Variants in ATP13A4 observed in about 807,000 individuals in gnomAD.
ATP13A4 encodes ATPase 13A4.
A neutral mutation model predicts 142.5 loss-of-function variants in ATP13A4; 114 were observed. The observed-to-expected ratio is 0.80, with a 90% CI of 0.69 to 0.93. The LOEUF is 0.93. Ranked by LOEUF, ATP13A4 falls within the 40% of genes least tolerant of loss-of-function variation. The pLI is 0.00. For synonymous variants in ATP13A4, 488 were observed against 514.8 expected, an observed-to-expected ratio of 0.95 and a Z score of 0.70; for missense variants, 1,392 against 1,454.0, an observed-to-expected ratio of 0.96 and a Z score of 0.69.
Position 193,399,269 on chromosome 3 carries a change from C to T in ATP13A4, c.*3383G>A, listed in dbSNP as rs976279953. On this transcript the variant is annotated 3_prime_UTR_variant, in exon 30 of 30. Transcript: ENST00000342695. Reference sequence around the variant, plus strand: ...GAAAGTGTATTGATAACAGGTTGCTCCGCCCTCAAGTTTAGGGCACTCTCC... The same window carrying T: ...GAAAGTGTATTGATAACAGGTTGCTTCGCCCTCAAGTTTAGGGCACTCTCC... Among the ~76,000 whole-genome samples the T allele has an allele frequency of 1.3e-5, 2 of 152,106 alleles. No individual in the cohort carries two copies. Among genetic ancestry groups the T allele is most frequent in the Non-Finnish European group, 1.5e-5 (1 of 68,022 alleles).
At chr3:193,424,925 G>A (rs966785037) in intron 25 of ATP13A4, among the ~76,000 whole-genome samples, 3 of 148,384 alleles carry the variant, frequency 2.0e-5, no homozygotes, top group Non-Finnish European at 4.5e-5. Context: ...AAACTATGCA[G>A]TATAATAAAA....
intron 2 of ATP13A4, among the ~76,000 whole-genome samples, chr3:193,569,261 C>A (rs1355324408): frequency 6.6e-6 from 1 of 152,166 alleles, no homozygotes; most frequent in Non-Finnish European, 1.5e-5. Context: ...TTCGACAAAT[C>A]CCAATAAAGG....
intron 8 of ATP13A4, among the ~76,000 whole-genome samples, chr3:193,483,547 C>T (rs537484809): frequency 3.9e-5 from 6 of 152,270 alleles, no homozygotes; most frequent in Admixed American, 6.5e-5. Flanking sequence ...TCACTGCAAG[C>T]TCCGCCTCCC....
chr3:193,492,932 T>C lies in ATP13A4; in HGVS notation c.518A>G (p.Glu173Gly). The C allele has an allele frequency of 6.2e-7, 1 of 1,608,574 alleles. No individual in the cohort carries two copies. Among genetic ancestry groups the C allele is most frequent in the Non-Finnish European group, 8.5e-7 (1 of 1,175,796 alleles). ...HQKFGSGLTR[E>G]EQEIRRLICG... ...TGCATGGTACCTAATCTCCTGTTCT[T>C]CTCTTGTCAAGCCTGATCCAAATTT... The change falls in exon 5 of 30, where the codon GAA (glutamate) becomes GGA (glycine). Residue 173 changes from glutamate (E) to glycine (G), a missense_variant. By Grantham distance (98) the Glu-to-Gly change is moderately conservative. Coordinates refer to ENST00000342695, the MANE Select transcript of ATP13A4 (RefSeq NM_032279.4).
intron 25 of ATP13A4, among the ~76,000 whole-genome samples, chr3:193,432,075 T>C (rs533692081): frequency 1.3e-5 from 2 of 150,918 alleles, no homozygotes; most frequent in South Asian, 4.2e-4. Flanking sequence ...AAAGAAGATA[T>C]GAGAATGTAT....
chr3:193,571,560 T>C (rs922136739), intron 2 of ATP13A4, among the ~76,000 whole-genome samples: 1 of 152,154 alleles, frequency 6.6e-6, no homozygotes, highest in African/African-American at 2.4e-5. Context: ...AATTTCAAAA[T>C]TGATATGTCA....
rs1053612057 is a variant in ATP13A4, at chr3:193,454,685, A to G, written c.1916-473T>C. On this transcript the variant is annotated intron_variant, in intron 16 of 29. Transcript: ENST00000342695. Reference sequence around the variant, plus strand: ...ACTGTATGCAGAAGACTGAAACTGGACCCCTTCCTTACACCATATACAAAA... The same window carrying G: ...ACTGTATGCAGAAGACTGAAACTGGGCCCCTTCCTTACACCATATACAAAA... Among the ~76,000 whole-genome samples, 5 of 152,062 alleles carry G rather than the reference A, an allele frequency of 3.3e-5. No homozygotes were observed. The South Asian group carries it at 1.0e-3, about 31-fold the overall frequency.
intron 18 of ATP13A4, 151 bp downstream of exon 18, chr3:193,448,055 A>G: frequency 1.0e-6 from 1 of 955,688 alleles, no homozygotes; most frequent in South Asian, 1.5e-5. Context: ...ACTCAGGGAA[A>G]GCAGTAAATG....
chr3:193,569,224 A>G (rs1466292994), intron 2 of ATP13A4, among the ~76,000 whole-genome samples: 1 of 152,250 alleles, frequency 6.6e-6, no homozygotes, highest in Non-Finnish European at 1.5e-5. Context: ...AAAAGCCCAG[A>G]ATTCTAGTCT....
chr3:193,524,879 G>T (rs560140913), intron 1 of ATP13A4, among the ~76,000 whole-genome samples: 1 of 152,244 alleles, frequency 6.6e-6, no homozygotes, highest in African/African-American at 2.4e-5. Context: ...ATATAAGTCA[G>T]ATCTCACCTC....
chr3:193,559,699 C>T (rs1028615553), upstream of ATP13A4, among the ~76,000 whole-genome samples: 3 of 152,202 alleles, frequency 2.0e-5, no homozygotes, highest in Admixed American at 1.3e-4. Flanking sequence ...AGAGGACTTG[C>T]TCTCAAATAT....
rs112363641 is a variant in ATP13A4 at position 193,429,650 on chromosome 3, G to C, written c.2842+4195C>G. On this transcript the variant is annotated intron_variant, in intron 25 of 29. Transcript: ENST00000342695. ...AAGGATGGGGAGTTATTGCTTTAAT[G>C]GATAGAGTATCTGTTTGAGGTGATG... 3.9e-5 allele frequency among the ~76,000 whole-genome samples: 6 copies of C among 152,050 alleles called. 1 individual carries two copies. Among genetic ancestry groups the C allele is most frequent in the African/African-American group, 1.4e-4 (6 of 41,506 alleles).
In ATP13A4 at chr3:193,462,808, T is replaced by C. The variant is rs1341463528; in HGVS notation, c.1477A>G (p.Arg493Gly). The change falls in exon 13 of 30, where the codon AGG (arginine) becomes GGG (glycine). Residue 493 changes from arginine (R) to glycine (G), a missense_variant. Transcript: ENST00000342695. ...VCFDKTGTLT[R>G]DGLDLWGVVS... ...ACTCCCCAGAGGTCCAAGCCGTCCC[T>C]TGTTAAGGTGCCTGTCTAAACAGAA... 6.2e-7 allele frequency: 1 copy of C among 1,613,948 alleles called. No homozygotes were observed. Among genetic ancestry groups the C allele is most frequent in the Non-Finnish European group, 8.5e-7 (1 of 1,179,876 alleles).
intron 24 of ATP13A4, among the ~76,000 whole-genome samples, chr3:193,434,968 T>C (rs1052890785): frequency 6.6e-6 from 1 of 152,164 alleles, no homozygotes; most frequent in East Asian, 1.9e-4. Flanking sequence ...ACAAAGCCAA[T>C]ACAAAAACTT....
Position 193,435,729 on chromosome 3 carries a change from A to G in ATP13A4, c.2688T>C (p.Ala896=). Residue 896 remains alanine (A), a synonymous_variant, in exon 24 of 30, where the codon GCT becomes GCC. Coordinates refer to ENST00000342695, the MANE Select transcript of ATP13A4 (RefSeq NM_032279.4). ...VPHLIKEGRA[A]LVTSFCMFKY... The stretch of plus-strand genomic sequence containing the variant: ...TAAACATGCAAAAGGAGGTAACGAG[A>G]GCTGCACGTCCTTCCCTGTGTAAGA... 1 of 1,613,688 alleles carries G rather than the reference A, an allele frequency of 6.2e-7. No individual in the cohort carries two copies. Among genetic ancestry groups the G allele is most frequent in the Non-Finnish European group, 8.5e-7 (1 of 1,179,622 alleles).
chr3:193,445,682 G>T (rs190049007), intron 18 of ATP13A4, among the ~76,000 whole-genome samples: 1 of 151,364 alleles, frequency 6.6e-6, no homozygotes, highest in East Asian at 2.0e-4. Context: ...GCTTGAACCC[G>T]GGAGTCGGAG....
At chr3:193,459,665 C>G (rs1168630288) in intron 13 of ATP13A4, among the ~76,000 whole-genome samples, 1 of 152,178 alleles carries the variant, frequency 6.6e-6, no homozygotes, top group Non-Finnish European at 1.5e-5. Context: ...TCTTGAACTC[C>G]CAACCTCAGC....
intron 23 of ATP13A4, among the ~76,000 whole-genome samples, chr3:193,437,305 A>C (rs1716345518): frequency 6.6e-6 from 1 of 151,798 alleles, no homozygotes. Context: ...TAGCCATCTT[A>C]TTCCCTTTTA....
At chr3:193,452,567 AT>A (rs751029977) in intron 17 of ATP13A4, among the ~76,000 whole-genome samples, 3,946 of 120,784 alleles carry the variant, frequency 0.033, 77 homozygotes, top group African/African-American at 0.086. Flanking sequence ...ACATTGTGGA[AT>A]TTTTTTTTTT....
Sources: allele counts gnomAD v4.1 joint callset (sites outside exome capture counted in the v4.1 genomes callset), GRCh38; gene constraint gnomAD v4.1.1; transcripts MANE v1.5; gene names NCBI Gene and HGNC (gene_info 2026-07-23, HGNC 2026-07-21).